Variants in TAFA5 observed in about 807,000 individuals in gnomAD.
TAFA5 encodes TAFA chemokine like family member 5.
In TAFA5, 6 loss-of-function variants were observed where a neutral mutation model predicts 15.3. That is an observed-to-expected ratio of 0.39 (90% CI 0.21 to 0.77). TAFA5 has a LOEUF of 0.77. Ranked by LOEUF, TAFA5 falls within the 30% of genes least tolerant of loss-of-function variation. The pLI is 0.41. For missense variants in TAFA5, 161 were observed against 193.1 expected, an observed-to-expected ratio of 0.83 and a Z score of 0.98; for synonymous variants, 103 against 80.7, an observed-to-expected ratio of 1.28 and a Z score of -1.48.
chr22:48,689,308 C>A (rs186342258), intron 2 of TAFA5, among the ~76,000 whole-genome samples: 13 of 152,126 alleles, frequency 8.5e-5, no homozygotes, highest in Admixed American at 8.5e-4. Context: ...AGAGATGGGG[C>A]GCCTCTCACC....
At chr22:48,649,403 G>A (rs990534145) in intron 2 of TAFA5, among the ~76,000 whole-genome samples, 3 of 152,346 alleles carry the variant, frequency 2.0e-5, no homozygotes, top group Middle Eastern at 3.4e-3. Context: ...GCTTGCTGGA[G>A]TGGGCTGGAG....
Position 48,707,839 on chromosome 22 carries a change from A to G in TAFA5, c.385A>G (p.Thr129Ala). 6.2e-7 allele frequency: 1 copy of G among 1,613,076 alleles called. No individual in the cohort carries two copies. The highest frequency in any genetic ancestry group is 8.5e-7 in the Non-Finnish European group (1 of 1,179,554). The change falls in exon 3 of 4, where the codon ACC becomes GCC. Residue 129 changes from threonine to alanine, a missense_variant. Coordinates refer to ENST00000402357, the MANE Select transcript of TAFA5 (RefSeq NM_001082967.3). ...CTQPGGRIKTTTVS is the reference protein window; with the variant it reads ...CTQPGGRIKTATVS ...GCAGCCCGGCGGGAGGATAAAGACC[A>G]CCACGGTATGTGGCCCTCGGCTTTC...
chr22:48,531,362 C>T (rs1053179998), intron 1 of TAFA5, among the ~76,000 whole-genome samples: 2 of 152,268 alleles, frequency 1.3e-5, no homozygotes, highest in African/African-American at 4.8e-5. Context: ...CTGCCTGTCC[C>T]CTTCCTGGAG....
At chr22:48,532,628 A>G (rs1922012666) in intron 1 of TAFA5, among the ~76,000 whole-genome samples, 1 of 152,192 alleles carries the variant, frequency 6.6e-6, no homozygotes, top group South Asian at 2.1e-4. Flanking sequence ...TGCTGCAGGC[A>G]TAGGGTGTGG....
At chr22:48,619,141 T>C (rs1601619993) in intron 1 of TAFA5, among the ~76,000 whole-genome samples, 3 of 152,344 alleles carry the variant, frequency 2.0e-5, no homozygotes, top group African/African-American at 4.8e-5. Context: ...TCTAGTGGTC[T>C]TTTCTTCCTC....
rs571771779 is a variant in TAFA5, at chr22:48,543,005, G to GAGA, written c.112+53304_112+53306dup. On this transcript the variant is annotated intron_variant, in intron 1 of 3. Transcript: ENST00000402357. ...TGATGTGTATGGTGTGTAGTGTGTG[G>GAGA]AGAAGTGTCCATGACCACTCTACAT... 9.6e-3 allele frequency among the ~76,000 whole-genome samples: 1,453 copies of GAGA among 151,940 alleles called. 23 individuals carry two copies. The highest frequency in any genetic ancestry group is 0.031 in the Middle Eastern group (9 of 294).
At chr22:48,738,710 G>A (rs1305320418) in intron 3 of TAFA5, among the ~76,000 whole-genome samples, 1 of 152,222 alleles carries the variant, frequency 6.6e-6, no homozygotes, top group Non-Finnish European at 1.5e-5. Context: ...CATTCCCCGG[G>A]CAGGGTGTGT....
chr22:48,589,713 G>A (rs62225933), intron 1 of TAFA5, among the ~76,000 whole-genome samples: 20,394 of 152,110 alleles, frequency 0.13, 1,499 homozygotes, highest in South Asian at 0.2. Context: ...AGGGGGCCTC[G>A]TGAAGATAGC....
At chr22:48,643,197 A>C (rs1349227812) in intron 1 of TAFA5, among the ~76,000 whole-genome samples, 1 of 152,246 alleles carries the variant, frequency 6.6e-6, no homozygotes, top group Non-Finnish European at 1.5e-5. Context: ...CACGGCCTCC[A>C]GCGCCATGGG....
chr22:48,633,359 C>T (rs914397507), intron 1 of TAFA5, among the ~76,000 whole-genome samples: 4 of 152,166 alleles, frequency 2.6e-5, no homozygotes, highest in African/African-American at 7.2e-5. Flanking sequence ...AGGGGGCCAG[C>T]GGGCAGGAGC....
At position 48,571,993 on chromosome 22, in the gene TAFA5, CTT is replaced by C. The variant is rs577017610; in HGVS notation, c.113-74603_113-74602del. On this transcript the variant is annotated intron_variant, in intron 1 of 3. Transcript: ENST00000402357. Reference sequence around the variant, plus strand: ...TTCCAGGAGTTTTTTTCCTTGTTCTCTTGTTTGCCTTTTCTCCCCCTTGGGAG... The same window carrying C: ...TTCCAGGAGTTTTTTTCCTTGTTCTCGTTTGCCTTTTCTCCCCCTTGGGAG... 1.5e-4 allele frequency among the ~76,000 whole-genome samples: 23 copies of C among 152,178 alleles called. 2 individuals are homozygous for C. The South Asian group carries it at 4.6e-3, about 30-fold the overall frequency.
intron 1 of TAFA5, among the ~76,000 whole-genome samples, chr22:48,515,198 T>G (rs1921360401): frequency 6.6e-6 from 1 of 150,602 alleles, no homozygotes; most frequent in South Asian, 2.1e-4. Flanking sequence ...GAGCCCAGGC[T>G]TGCACAGGCA....
intron 2 of TAFA5, among the ~76,000 whole-genome samples, chr22:48,665,422 G>C (rs949727172): frequency 6.6e-6 from 1 of 152,122 alleles, no homozygotes; most frequent in African/African-American, 2.4e-5. Flanking sequence ...TCCCTTCCAG[G>C]TCGTGTGTTT....
At position 48,581,484 on chromosome 22, in the gene TAFA5, C is replaced by G. The variant is rs372681938; in HGVS notation, c.113-65113C>G. Among the ~76,000 whole-genome samples the G allele has an allele frequency of 2.6e-4, 40 of 152,326 alleles. 2 individuals carry two copies. The East Asian group carries it at 5.2e-3, about 20-fold the overall frequency. On this transcript the variant is annotated intron_variant, in intron 1 of 3. Coordinates refer to ENST00000402357, the MANE Select transcript of TAFA5 (RefSeq NM_001082967.3). ...GCCGTGCGGAGAATGGTTTTATTCCCCACTCGGTGGTCTGGAGGTGGGTGG... is the reference window on the plus strand; with the variant it reads ...GCCGTGCGGAGAATGGTTTTATTCCGCACTCGGTGGTCTGGAGGTGGGTGG...
intron 2 of TAFA5, among the ~76,000 whole-genome samples, chr22:48,669,575 G>T (rs1487256774): frequency 2.0e-5 from 3 of 152,250 alleles, no homozygotes; most frequent in African/African-American, 7.2e-5. Flanking sequence ...TCCAAAATTG[G>T]ATGCAGCAGG....
At chr22:48,558,957 C>G (rs1923133577) in intron 1 of TAFA5, among the ~76,000 whole-genome samples, 1 of 152,240 alleles carries the variant, frequency 6.6e-6, no homozygotes, top group Non-Finnish European at 1.5e-5. Context: ...CTGTGTCCCC[C>G]ACATTCAAAT....
intron 1 of TAFA5, among the ~76,000 whole-genome samples, chr22:48,522,085 C>T (rs997667512): frequency 1.8e-4 from 27 of 152,216 alleles, no homozygotes; most frequent in Non-Finnish European, 2.4e-4. Context: ...TAACGGAACA[C>T]GTGACCAGCA....
chr22:48,618,077 G>A (rs977416281), intron 1 of TAFA5, among the ~76,000 whole-genome samples: 1 of 152,234 alleles, frequency 6.6e-6, no homozygotes, highest in Non-Finnish European at 1.5e-5. Context: ...GGACACGGAG[G>A]TTAACAGCAG....
intron 2 of TAFA5, among the ~76,000 whole-genome samples, chr22:48,677,086 G>A (rs898182895): frequency 1.3e-5 from 2 of 152,256 alleles, no homozygotes; most frequent in African/African-American, 4.8e-5. Context: ...ATATAAATCT[G>A]TATTAAGACA....
Sources: allele counts gnomAD v4.1 joint callset (sites outside exome capture counted in the v4.1 genomes callset), GRCh38; gene constraint gnomAD v4.1.1; transcripts MANE v1.5; gene names NCBI Gene and HGNC (gene_info 2026-07-23, HGNC 2026-07-21).